The following XKR6 variants were observed in gnomAD, a reference collection of about 807,000 sequenced individuals.
XKR6 encodes the protein XK related 6, also known as XK-related protein 6.
A neutral mutation model predicts 56.7 loss-of-function variants in XKR6; 22 were observed. The ratio of observed to expected loss-of-function variants is 0.39; its 90% CI spans 0.28 to 0.55. XKR6 has a LOEUF of 0.55. Among genes scored for constraint, XKR6 ranks in the 20% least tolerant of loss-of-function variants. The pLI is 0.66. For missense variants in XKR6, 852 were observed against 889.0 expected (o/e 0.96, Z 0.53); for synonymous variants, 524 against 387.8 (o/e 1.35, Z -4.13).
chr8:10,917,550 G>A (rs1800596274), intron 2 of XKR6, among the ~76,000 whole-genome samples: 1 of 152,214 alleles, frequency 6.6e-6, no homozygotes, highest in Non-Finnish European at 1.5e-5. Context: ...GGGGTCAGAG[G>A]TCACTCTAGG....
intron 1 of XKR6, among the ~76,000 whole-genome samples, chr8:11,188,777 C>T (rs935328436): frequency 6.6e-6 from 1 of 152,184 alleles, no homozygotes; most frequent in African/African-American, 2.4e-5. Context: ...TCTAACCCTC[C>T]CTGCCCTGTG....
chr8:10,955,944 C>T lies in XKR6; in HGVS notation c.765-31114G>A, dbSNP rs925214796. ...GGCGATTCCTTGTTGCCCTGGGCTT[C>T]AGGGCCCTGAGTGGCTGCTCGGTGA... On this transcript the variant is annotated intron_variant, in intron 1 of 2. Transcript: ENST00000416569. 9.2e-5 allele frequency among the ~76,000 whole-genome samples: 14 copies of T among 152,336 alleles called. 1 individual carries two copies. The highest frequency in any genetic ancestry group is 1.8e-4 in the Non-Finnish European group (12 of 68,028).
chr8:11,119,712 G>C (rs771305582), intron 1 of XKR6, among the ~76,000 whole-genome samples: 9 of 152,006 alleles, frequency 5.9e-5, no homozygotes, highest in Non-Finnish European at 8.8e-5. Context: ...CTGCACGTGA[G>C]ATGGGTTTCC....
intron 1 of XKR6, among the ~76,000 whole-genome samples, chr8:11,179,232 C>T (rs74711476): frequency 1.2e-3 from 188 of 152,252 alleles, no homozygotes; most frequent in Middle Eastern, 3.4e-3. Context: ...AAAGAACAAG[C>T]ATCTGGCTAG....
intron 1 of XKR6, among the ~76,000 whole-genome samples, chr8:11,169,717 T>A (rs903485442): frequency 8.5e-5 from 13 of 152,196 alleles, no homozygotes; most frequent in Admixed American, 3.3e-4. Flanking sequence ...GTGGTGATAA[T>A]TGCACAACAC....
chr8:10,993,539 G>C (rs997920144), intron 1 of XKR6, among the ~76,000 whole-genome samples: 3 of 152,230 alleles, frequency 2.0e-5, no homozygotes, highest in African/African-American at 2.4e-5. Flanking sequence ...ACACGCTGCA[G>C]TGCTCAGCCG....
chr8:10,952,604 C>T (rs565138516), intron 1 of XKR6, among the ~76,000 whole-genome samples: 78 of 152,326 alleles, frequency 5.1e-4, no homozygotes, highest in African/African-American at 1.8e-3. Context: ...CAGACACGTG[C>T]CACCATGCCT....
At chr8:11,050,278 C>T (rs535673433) in intron 1 of XKR6, among the ~76,000 whole-genome samples, 4 of 152,254 alleles carry the variant, frequency 2.6e-5, no homozygotes, top group South Asian at 4.2e-4. Context: ...CAGCTATCGT[C>T]GAGATCGCGG....
intron 1 of XKR6, among the ~76,000 whole-genome samples, chr8:11,158,303 T>G (rs1344537492): frequency 1.3e-5 from 2 of 152,164 alleles, no homozygotes; most frequent in Non-Finnish European, 2.9e-5. Flanking sequence ...GAATAGGGCC[T>G]GAAGGATGAG....
chr8:11,165,558 T>C (rs1237914905), intron 1 of XKR6, among the ~76,000 whole-genome samples: 2 of 152,198 alleles, frequency 1.3e-5, no homozygotes, highest in East Asian at 3.8e-4. Context: ...GGCATCCTTA[T>C]TTGATTAGCA....
chr8:11,100,855 G>C (rs1395023105), intron 1 of XKR6, among the ~76,000 whole-genome samples: 1 of 152,272 alleles, frequency 6.6e-6, no homozygotes, highest in East Asian at 1.9e-4. Flanking sequence ...GTTGGCCTCC[G>C]AGTCAGTGCT....
At chr8:10,975,445 T>C (rs1423263529) in intron 1 of XKR6, among the ~76,000 whole-genome samples, 1 of 152,206 alleles carries the variant, frequency 6.6e-6, no homozygotes, top group Non-Finnish European at 1.5e-5. Flanking sequence ...AGAGCCGCCT[T>C]TGGTCCTCCG....
At chr8:11,160,726 G>A (rs1801756117) in intron 1 of XKR6, among the ~76,000 whole-genome samples, 1 of 151,964 alleles carries the variant, frequency 6.6e-6, no homozygotes, top group Non-Finnish European at 1.5e-5. Flanking sequence ...TGGCCAACAG[G>A]CTGAAACCCC....
chr8:10,912,065 G>A (rs75600151), intron 2 of XKR6, among the ~76,000 whole-genome samples: 1,751 of 148,790 alleles, frequency 0.012, 78 homozygotes, highest in East Asian at 0.086. Context: ...GAGAAAGGAC[G>A]TGTATACATA....
intron 1 of XKR6, among the ~76,000 whole-genome samples, chr8:11,153,700 C>T (rs1366447917): frequency 6.6e-6 from 1 of 152,216 alleles, no homozygotes; most frequent in African/African-American, 2.4e-5. Context: ...TTAGGATGGA[C>T]AACTGACTTT....
chr8:11,159,236 C>G (rs543669918), intron 1 of XKR6, among the ~76,000 whole-genome samples: 1 of 152,332 alleles, frequency 6.6e-6, no homozygotes, highest in South Asian at 2.1e-4. Context: ...TTGTCCTTCA[C>G]CCTCTAGAAA....
At chr8:11,146,401 G>A (rs1336461244) in intron 1 of XKR6, among the ~76,000 whole-genome samples, 4 of 152,158 alleles carry the variant, frequency 2.6e-5, no homozygotes, top group African/African-American at 9.7e-5. Flanking sequence ...TGGGGCAGTC[G>A]GTCTGCATGA....
chr8:11,114,783 G>C (rs1432286783), intron 1 of XKR6, among the ~76,000 whole-genome samples: 1 of 132,250 alleles, frequency 7.6e-6, no homozygotes, highest in Non-Finnish European at 1.8e-5. Context: ...GTATGTGCCA[G>C]GGCAAGAAAG....
intron 1 of XKR6, among the ~76,000 whole-genome samples, chr8:11,038,771 G>T (rs544520001): frequency 1.8e-3 from 273 of 152,068 alleles, no homozygotes; most frequent in African/African-American, 6.3e-3. Flanking sequence ...GGACTTCTAG[G>T]CTCAAGTGAT....
Sources: allele counts gnomAD v4.1 joint callset (sites outside exome capture counted in the v4.1 genomes callset), GRCh38; gene constraint gnomAD v4.1.1; transcripts MANE v1.5; gene names NCBI Gene and HGNC (gene_info 2026-07-23, HGNC 2026-07-21).